The following RPS6KA5 variants were observed in gnomAD, a reference collection of about 807,000 sequenced individuals.
RPS6KA5 encodes ribosomal protein S6 kinase A5, also known as ribosomal protein S6 kinase alpha-5.
Under a neutral mutation model 85.5 loss-of-function variants are expected in RPS6KA5, and 27 were observed. The observed-to-expected ratio is 0.32, with a 90% CI of 0.23 to 0.44. The LOEUF (loss-of-function observed/expected upper bound fraction) is 0.44. RPS6KA5 is among the 20% of genes least tolerant of loss of function. The pLI is 1.00. For synonymous variants in RPS6KA5, 334 were observed against 348.2 expected (o/e 0.96, Z 0.46); for missense variants, 811 against 980.9 (o/e 0.83, Z 2.31).
At chr14:90,909,128 G>C (rs1023097919) in intron 7 of RPS6KA5, among the ~76,000 whole-genome samples, 1 of 152,232 alleles carries the variant, frequency 6.6e-6, no homozygotes, top group African/African-American at 2.4e-5. Flanking sequence ...CTAGACCACT[G>C]CTGCCTATGC....
In RPS6KA5 at chr14:90,848,771, T is replaced by C. The variant is rs1461997732; in HGVS notation, c.*23303A>G. The C allele has an allele frequency of 1.3e-5, 2 of 152,212 alleles. No individual in the cohort carries two copies. The highest frequency in any genetic ancestry group is 2.9e-5 in the Non-Finnish European group (2 of 68,036). 9.4% of individuals were successfully genotyped at this position (152,212 alleles called of 1,614,324 possible). On this transcript the variant is annotated 3_prime_UTR_variant, in exon 17 of 17. Coordinates refer to ENST00000614987, the MANE Select transcript of RPS6KA5 (RefSeq NM_004755.4). ...TTTAAAGAGGCTAAAGACATTCTAA[T>C]TGCCATCCAAATTGATGTTTACACC...
intron 2 of RPS6KA5, among the ~76,000 whole-genome samples, chr14:90,979,560 TAGA>T (rs2039706917): frequency 1.3e-5 from 2 of 152,162 alleles, no homozygotes; most frequent in South Asian, 4.1e-4. Flanking sequence ...ATCCACCCAC[TAGA>T]AGAAGGGAGC....
chr14:90,921,282 A>G (rs1419091320), intron 6 of RPS6KA5, among the ~76,000 whole-genome samples: 1 of 152,196 alleles, frequency 6.6e-6, no homozygotes, highest in Non-Finnish European at 1.5e-5. Context: ...GTGAGAGCAA[A>G]GGTATTTACT....
At chr14:91,007,421 CA>C (rs1327834201) in intron 1 of RPS6KA5, among the ~76,000 whole-genome samples, 1 of 152,142 alleles carries the variant, frequency 6.6e-6, no homozygotes, top group African/African-American at 2.4e-5. Flanking sequence ...TGGACTAAAT[CA>C]ATAAATATTT....
At chr14:91,047,418 C>G (rs2042918890) in intron 1 of RPS6KA5, among the ~76,000 whole-genome samples, 1 of 152,208 alleles carries the variant, frequency 6.6e-6, no homozygotes, top group Admixed American at 6.5e-5. Context: ...AAAAGCAGCA[C>G]AGCTAGCCTT....
At chr14:90,930,701 C>A (rs1366508814) in intron 5 of RPS6KA5, among the ~76,000 whole-genome samples, 1 of 152,032 alleles carries the variant, frequency 6.6e-6, no homozygotes, top group Non-Finnish European at 1.5e-5. Context: ...CCACAAATAA[C>A]CTGATTTTAA....
intron 8 of RPS6KA5, among the ~76,000 whole-genome samples, chr14:90,905,671 A>C (rs1240310203): frequency 4.6e-5 from 7 of 152,220 alleles, no homozygotes; most frequent in Non-Finnish European, 1.0e-4. Flanking sequence ...TGAATATGTA[A>C]CTGAGAAATA....
In RPS6KA5 at chr14:90,869,474, T is replaced by C. The variant is rs1169775857; in HGVS notation, c.*2600A>G. 4 of 152,180 alleles carry C rather than the reference T, an allele frequency of 2.6e-5. No homozygotes were observed. The East Asian group carries it at 7.7e-4, about 29-fold the overall frequency. The allele number at this position is 152,180 out of a possible 1,614,324, so 9.4% of individuals were successfully genotyped here. On this transcript the variant is annotated 3_prime_UTR_variant, in exon 17 of 17. Transcript: ENST00000614987. ...ATTTGTCATATACAGTTACAAAATA[T>C]ATGAATCAGGATTTATGTTGGCATG...
chr14:90,903,987 C>G (rs978020933), intron 8 of RPS6KA5, among the ~76,000 whole-genome samples: 2 of 150,782 alleles, frequency 1.3e-5, no homozygotes, highest in African/African-American at 4.9e-5. Context: ...CGCTCTGTCG[C>G]CCAGGCTGGA....
At chr14:90,907,409 C>A (rs1371396888) in intron 7 of RPS6KA5, among the ~76,000 whole-genome samples, 1 of 152,164 alleles carries the variant, frequency 6.6e-6, no homozygotes, top group Non-Finnish European at 1.5e-5. Context: ...AACATCAGTA[C>A]TTACCTAAAA....
chr14:91,005,593 CATATT>C (rs748542869), intron 1 of RPS6KA5, among the ~76,000 whole-genome samples: 13 of 152,012 alleles, frequency 8.6e-5, no homozygotes, highest in African/African-American at 2.9e-4. Context: ...TGGTAAATAT[CATATT>C]ATATAGAATC....
chr14:90,994,546 TCTTGGATGTTTGTGA>T (rs1566839647), intron 2 of RPS6KA5, among the ~76,000 whole-genome samples: 1 of 150,900 alleles, frequency 6.6e-6, no homozygotes, highest in Non-Finnish European at 1.5e-5. Flanking sequence ...GTGCTTTGCT[TCTTGGATGTTTGTGA>T]TTTTTTTTTT....
chr14:91,045,042 C>T (rs1047276116), intron 1 of RPS6KA5, among the ~76,000 whole-genome samples: 1 of 152,112 alleles, frequency 6.6e-6, no homozygotes, highest in Non-Finnish European at 1.5e-5. Context: ...CAGACAAGAA[C>T]TCAGTCTGGC....
rs76038048 is a variant in RPS6KA5, at chr14:90,919,162, G to C, written c.806+1044C>G. Among the ~76,000 whole-genome samples, 609 of 152,210 alleles carry C rather than the reference G, an allele frequency of 4.0e-3. 8 individuals are homozygous for C. Among genetic ancestry groups the C allele is most frequent in the African/African-American group, 0.014 (569 of 41,534 alleles). On this transcript the variant is annotated intron_variant, in intron 7 of 16. Transcript: ENST00000614987. ...ACTCTCCTCTCCCATACTCTGGCCT[G>C]CAAACTCTAGCTGTCTTGATCTTCT...
At chr14:90,981,027 C>T (rs972712720) in intron 2 of RPS6KA5, among the ~76,000 whole-genome samples, 5 of 152,140 alleles carry the variant, frequency 3.3e-5, no homozygotes, top group Admixed American at 6.5e-5. Flanking sequence ...CAAAATTAGC[C>T]GAGCATGGTG....
intron 5 of RPS6KA5, among the ~76,000 whole-genome samples, chr14:90,931,976 C>T (rs1033646017): frequency 2.0e-5 from 3 of 152,122 alleles, no homozygotes; most frequent in South Asian, 2.1e-4. Context: ...ATATTGTTTA[C>T]GGATATACAC....
chr14:90,960,061 C>T (rs1373504059), intron 3 of RPS6KA5, among the ~76,000 whole-genome samples: 1 of 152,042 alleles, frequency 6.6e-6, no homozygotes, highest in African/African-American at 2.4e-5. Context: ...ATTAGTTCTC[C>T]CTGAATTTTA....
intron 1 of RPS6KA5, among the ~76,000 whole-genome samples, chr14:91,004,792 C>A (rs530797686): frequency 4.5e-4 from 69 of 151,918 alleles, no homozygotes; most frequent in Non-Finnish European, 8.4e-4. Context: ...ACAGTGAAAC[C>A]CCGTCTCTAC....
chr14:90,967,523 T>TG (rs1368096659), intron 3 of RPS6KA5, among the ~76,000 whole-genome samples: 1 of 152,206 alleles, frequency 6.6e-6, no homozygotes. Flanking sequence ...GTGCCCTGAC[T>TG]TACATACTCA....
Sources: allele counts gnomAD v4.1 joint callset (sites outside exome capture counted in the v4.1 genomes callset), GRCh38; gene constraint gnomAD v4.1.1; transcripts MANE v1.5; gene names NCBI Gene and HGNC (gene_info 2026-07-23, HGNC 2026-07-21).